Variants in MEGF10 observed in about 807,000 individuals in gnomAD.
The protein encoded by MEGF10 is multiple epidermal growth factor-like domains protein 10.
In MEGF10, 86 loss-of-function variants were observed where a neutral mutation model predicts 147.5. The observed-to-expected ratio is 0.58, with a 90% CI of 0.49 to 0.70. The LOEUF (loss-of-function observed/expected upper bound fraction) is 0.70, where lower values mean the gene tolerates loss of function less well. MEGF10 is among the 30% of genes least tolerant of loss of function. The pLI is 0.00. For missense variants in MEGF10, 1,329 were observed against 1,487.3 expected, an observed-to-expected ratio of 0.89 and a Z score of 1.75; for synonymous variants, 478 against 525.5, an observed-to-expected ratio of 0.91 and a Z score of 1.24.
intron 5 of MEGF10, among the ~76,000 whole-genome samples, chr5:127,375,311 T>A (rs771995801): frequency 7.9e-5 from 12 of 152,202 alleles, no homozygotes; most frequent in Non-Finnish European, 1.8e-4. Flanking sequence ...CTTTGAGATT[T>A]GATATGTCTG....
chr5:127,232,771 A>G, the MEGF10 span, among the ~76,000 whole-genome samples: 2,521 of 152,224 alleles, frequency 0.017, 59 homozygotes, highest in East Asian at 0.087. Flanking sequence ...ATGGATGAAT[A>G]CAAGCATTAA....
chr5:127,433,885 C>T (rs897518806), intron 14 of MEGF10, among the ~76,000 whole-genome samples: 20 of 152,302 alleles, frequency 1.3e-4, no homozygotes, highest in Admixed American at 3.9e-4. Context: ...AATTACCAGA[C>T]GTCAACATCA....
chr5:127,265,025 G>C, the MEGF10 span, among the ~76,000 whole-genome samples: 3 of 152,054 alleles, frequency 2.0e-5, no homozygotes, highest in Admixed American at 6.5e-5. Flanking sequence ...CTATTAACTT[G>C]TCATTTACAT....
At chr5:127,405,456 A>T (rs1409877942) in intron 8 of MEGF10, among the ~76,000 whole-genome samples, 1 of 152,014 alleles carries the variant, frequency 6.6e-6, no homozygotes, top group Non-Finnish European at 1.5e-5. Flanking sequence ...TTGACTATTT[A>T]CTTTTTAATT....
At chr5:127,326,537 G>A (rs973791444) in intron 1 of MEGF10, among the ~76,000 whole-genome samples, 1 of 152,162 alleles carries the variant, frequency 6.6e-6, no homozygotes, top group African/African-American at 2.4e-5. Flanking sequence ...CAACCAGCAA[G>A]CATTACTCAT....
chr5:127,267,381 C>T, the MEGF10 span, among the ~76,000 whole-genome samples: 13 of 152,108 alleles, frequency 8.5e-5, no homozygotes, highest in Non-Finnish European at 1.8e-4. Flanking sequence ...GTGTAAAATT[C>T]TCTTTTTTTA....
the MEGF10 span, among the ~76,000 whole-genome samples, chr5:127,234,652 A>G: frequency 3.3e-5 from 5 of 152,322 alleles, no homozygotes; most frequent in East Asian, 3.9e-4. Context: ...CTCCATTCAC[A>G]TAGATCATAC....
intron 1 of MEGF10, among the ~76,000 whole-genome samples, chr5:127,309,393 T>C (rs935320268): frequency 6.6e-6 from 1 of 152,200 alleles, no homozygotes; most frequent in Non-Finnish European, 1.5e-5. Flanking sequence ...TCTCCAGAAC[T>C]TTTTCATGAT....
intron 5 of MEGF10, among the ~76,000 whole-genome samples, chr5:127,389,863 A>G (rs904725356): frequency 1.3e-5 from 2 of 152,188 alleles, no homozygotes; most frequent in Admixed American, 1.3e-4. Context: ...CTGTATGACA[A>G]ACCCCCATGA....
At chr5:127,393,229 G>A (rs536294950) in intron 5 of MEGF10, among the ~76,000 whole-genome samples, 5 of 152,206 alleles carry the variant, frequency 3.3e-5, no homozygotes, top group Non-Finnish European at 7.4e-5. Flanking sequence ...ATGTCAGATA[G>A]TTTGAATTCA....
the MEGF10 span, among the ~76,000 whole-genome samples, chr5:127,247,443 G>C: frequency 1.1e-3 from 135 of 118,264 alleles, 35 homozygotes; most frequent in South Asian, 5.2e-3. Context: ...AGAAGAAGAA[G>C]AAGAAGAAGA....
intron 10 of MEGF10, 121 bp from the exon 11 acceptor site, chr5:127,418,999 C>A: frequency 4.9e-6 from 6 of 1,214,620 alleles, no homozygotes; most frequent in Admixed American, 2.6e-5. Context: ...TTTAAAAATA[C>A]AGTGTGTTAA....
chr5:127,415,159 G>A (rs1184909466), intron 9 of MEGF10, among the ~76,000 whole-genome samples: 2 of 152,160 alleles, frequency 1.3e-5, no homozygotes, highest in East Asian at 3.8e-4. Context: ...TGAAAGAAGA[G>A]GTTGAGGAGT....
At chr5:127,457,080 A>T (rs1207182695) in intron 24 of MEGF10, 48 bp from the exon 25 acceptor site, 2 of 1,500,900 alleles carry the variant, frequency 1.3e-6, no homozygotes, top group Admixed American at 4.4e-5. Context: ...TATTCTTTTT[A>T]AAAACATTTC....
intron 1 of MEGF10, among the ~76,000 whole-genome samples, chr5:127,301,986 C>G (rs1034674149): frequency 2.6e-5 from 4 of 152,130 alleles, no homozygotes; most frequent in Non-Finnish European, 4.4e-5. Context: ...GAATACAAAA[C>G]AGTTAAATTT....
upstream of MEGF10, among the ~76,000 whole-genome samples, chr5:127,286,743 A>C (rs1483283164): frequency 6.6e-6 from 1 of 151,968 alleles, no homozygotes; most frequent in Non-Finnish European, 1.5e-5. Flanking sequence ...TAAAATCAAC[A>C]AAGTAGAAAA....
At chr5:127,413,880 G>A (rs888897095) in intron 9 of MEGF10, among the ~76,000 whole-genome samples, 5 of 152,198 alleles carry the variant, frequency 3.3e-5, no homozygotes, top group African/African-American at 1.2e-4. Context: ...CAATTTCTCA[G>A]CCTGCCTCTT....
chr5:127,407,886 G>A (rs78365927), intron 8 of MEGF10, among the ~76,000 whole-genome samples: 2,799 of 152,216 alleles, frequency 0.018, 54 homozygotes, highest in South Asian at 0.078. Context: ...TTTTCCTTTG[G>A]CAGATAGAAG....
chr5:127,378,837 T>G (rs1196852118), intron 5 of MEGF10, among the ~76,000 whole-genome samples: 1 of 151,946 alleles, frequency 6.6e-6, no homozygotes, highest in Non-Finnish European at 1.5e-5. Flanking sequence ...TAGTAAAGTT[T>G]TATTTTGTTT....
Sources: gnomAD v4.1 joint callset for allele counts (sites outside exome capture counted in the v4.1 genomes callset) on GRCh38, gnomAD v4.1.1 for gene constraint, MANE v1.5 for transcripts, NCBI Gene and HGNC (gene_info 2026-07-23, HGNC 2026-07-21) for gene names.